SMC3: variants seen among roughly 807,000 people sequenced by gnomAD.
The protein encoded by SMC3 is structural maintenance of chromosomes 3, also known as structural maintenance of chromosomes protein 3.
In SMC3, 20 loss-of-function variants were observed where a neutral mutation model predicts 171.8. The observed-to-expected ratio is 0.12, with a 90% CI of 0.08 to 0.17. The LOEUF (loss-of-function observed/expected upper bound fraction) is 0.17. SMC3 is among the 10% of genes least tolerant of loss of function. SMC3 has a pLI of 1.00. For missense variants in SMC3, 543 were observed against 1,420.4 expected (o/e 0.38, Z 9.93); for synonymous variants, 464 against 451.1 (o/e 1.03, Z -0.36).
Position 110,567,755 on chromosome 10 carries a change from C to A in SMC3, c.-62C>A. The A allele has an allele frequency of 1.2e-6, 2 of 1,606,610 alleles. No homozygotes were observed. The highest frequency in any genetic ancestry group is 1.7e-6 in the Non-Finnish European group (2 of 1,174,054). On this transcript the variant is annotated 5_prime_UTR_variant, in exon 1 of 29. Transcript: ENST00000361804. ...GGGGTCGCGTAGGCGCCTCACCTGACCCTGCGGCCGTGCGGTTGCTGCTCC... is the reference window on the plus strand; with the variant it reads ...GGGGTCGCGTAGGCGCCTCACCTGAACCTGCGGCCGTGCGGTTGCTGCTCC...
At position 110,603,306 on chromosome 10, in the gene SMC3, ATTGAGT is replaced by A. The variant is rs758854216; in HGVS notation, c.3582+19_3582+24del. ...CAGAAATAAGGTAATTTTATTTTAC[ATTGAGT>A]TTAAGTTTGTATTTATTCAATTATA... is the stretch of plus-strand genomic sequence containing the variant. On this transcript the variant is annotated intron_variant, in intron 28 of 28. Coordinates refer to ENST00000361804, the MANE Select transcript of SMC3 (RefSeq NM_005445.4). 17 of 1,420,820 alleles carry A rather than the reference ATTGAGT, an allele frequency of 1.2e-5. No individual in the cohort carries two copies. Among genetic ancestry groups the A allele is most frequent in the East Asian group, 9.1e-5 (4 of 43,828 alleles). The allele number at this position is 1,420,820 out of a possible 1,614,324, so 88.0% of individuals were successfully genotyped here. A position where few individuals can be genotyped will look rare whatever the true frequency, so the allele number is the denominator to read the frequency against.
At chr10:110,601,927 A>G (rs1404456260) in intron 24 of SMC3, 39 bp from the exon 25 acceptor site, 2 of 1,610,876 alleles carry the variant, frequency 1.2e-6, no homozygotes, top group Non-Finnish European at 1.7e-6. Flanking sequence ...TGCTCAGTAT[A>G]TAAATTTATT....
At chr10:110,584,578 TCATG>T (rs1188087663) in intron 13 of SMC3, among the ~76,000 whole-genome samples, 182 bp downstream of exon 13, 4 of 152,230 alleles carry the variant, frequency 2.6e-5, no homozygotes, top group Non-Finnish European at 5.9e-5. Context: ...TAAAGAATAT[TCATG>T]TCATTGAGCC....
intron 2 of SMC3, among the ~76,000 whole-genome samples, chr10:110,569,242 C>T (rs1564786894): frequency 6.6e-6 from 1 of 151,426 alleles, no homozygotes; most frequent in East Asian, 1.9e-4. Flanking sequence ...ATCTAGGTAG[C>T]CTTGTATGTG....
chr10:110,589,939 A>G lies in SMC3; in HGVS notation c.1457A>G (p.Lys486Arg). 6.2e-7 allele frequency: 1 copy of G among 1,614,056 alleles called. No individual in the cohort carries two copies. Among genetic ancestry groups the G allele is most frequent in the Non-Finnish European group, 8.5e-7 (1 of 1,179,996 alleles). ...ENAEQQALAA[K>R]REDLEKKQQL... ...GCAGAACAGCAAGCACTTGCTGCTA[A>G]AAGAGAAGATCTTGAAAAGAAGCAA... Residue 486 changes from lysine (K) to arginine (R), a missense_variant, in exon 15 of 29, where the codon AAA becomes AGA. Coordinates refer to ENST00000361804, the MANE Select transcript of SMC3 (RefSeq NM_005445.4).
chr10:110,599,409 T>C lies in SMC3; in HGVS notation c.2269-245T>C, dbSNP rs112206019. Among the ~76,000 whole-genome samples, 6 of 152,306 alleles carry C rather than the reference T, an allele frequency of 3.9e-5. No individual in the cohort carries two copies. The South Asian group carries it at 6.2e-4, about 16-fold the overall frequency. On this transcript the variant is annotated intron_variant, in intron 20 of 28. Transcript: ENST00000361804. ...TGCGCCCGGCAACTTTTTGTTCTTA[T>C]AATATGCCTGAAGATTTTTGTATAG... is the stretch of plus-strand genomic sequence containing the variant.
intron 18 of SMC3, among the ~76,000 whole-genome samples, chr10:110,593,909 A>G (rs1590564234): frequency 1.3e-5 from 2 of 151,850 alleles, no homozygotes; most frequent in South Asian, 2.1e-4. Flanking sequence ...AATGGCTTAA[A>G]CCTGGGAGGC....
intron 21 of SMC3, 121 bp from the exon 22 acceptor site, chr10:110,600,318 A>G (rs1590569724): frequency 2.9e-6 from 2 of 696,360 alleles, no homozygotes; most frequent in Non-Finnish European, 5.2e-6. Flanking sequence ...TTTGAAGAAT[A>G]TAACATATTA....
intron 16 of SMC3, 105 bp downstream of exon 16, chr10:110,590,677 A>G (rs1448625945): frequency 1.0e-6 from 1 of 965,330 alleles, no homozygotes; most frequent in African/African-American, 1.6e-5. Flanking sequence ...ATCTTTTTAT[A>G]TCTCGGTTCC....
rs1369427972 is a variant in SMC3 at position 110,605,663 on chromosome 10, CAT to C, written c.*1363_*1364del. Among the ~76,000 whole-genome samples the C allele has an allele frequency of 2.0e-5, 3 of 152,122 alleles. No homozygotes were observed. The highest frequency in any genetic ancestry group is 1.9e-4 in the East Asian group (1 of 5,182). On this transcript the variant is annotated 3_prime_UTR_variant, in exon 29 of 29. Transcript: ENST00000361804. ...TTTATACTTTGTAGCTTTGCTATAACATAACTGATCTATAATAGAGAATTTGG... is the reference window on the plus strand; with the variant it reads ...TTTATACTTTGTAGCTTTGCTATAACAACTGATCTATAATAGAGAATTTGG...
intron 19 of SMC3, among the ~76,000 whole-genome samples, chr10:110,596,901 A>G (rs1477981641): frequency 1.3e-5 from 2 of 151,682 alleles, no homozygotes; most frequent in East Asian, 1.9e-4. Context: ...GAATTTATGT[A>G]AGCAAGAGAT....
rs745863058 is a variant in SMC3, at chr10:110,601,053, G to A, written c.2567G>A (p.Gly856Asp). Residue 856 changes from glycine (G) to aspartate (D), a missense_variant, in exon 23 of 29, where the codon GGT becomes GAT. By Grantham distance (94) the Gly-to-Asp change is moderately conservative. This residue lies in a region of SMC3 where 33 missense variants were observed against 33.6 expected (regional missense o/e 0.98). Coordinates refer to ENST00000361804, the MANE Select transcript of SMC3 (RefSeq NM_005445.4). ...ELNELRETEG[G>D]TVLTATTSEL... ...AATGAGCTGAGAGAGACAGAAGGGG[G>A]TACTGTTCTCACAGCCACAACATCA... 1 of 1,613,200 alleles carries A rather than the reference G, an allele frequency of 6.2e-7. No individual in the cohort carries two copies. Among genetic ancestry groups the A allele is most frequent in the Admixed American group, 1.7e-5 (1 of 59,994 alleles).
rs968116233 is a variant in SMC3, at chr10:110,601,794, G to A, written c.2802G>A (p.Lys934=). The A allele has an allele frequency of 6.2e-7, 1 of 1,613,914 alleles. No homozygotes were observed. The highest frequency in any genetic ancestry group is 1.7e-5 in the Admixed American group (1 of 60,012). The part of the protein sequence containing the change: ...KMTNRQGMLL[K]KKEECMKKIR... Reference sequence around the variant, plus strand: ...CAAATCGGCAAGGCATGCTATTGAAGAAGAAAGAAGAGTGTATGAAGAAAA... The same window carrying A: ...CAAATCGGCAAGGCATGCTATTGAAAAAGAAAGAAGAGTGTATGAAGAAAA... Residue 934 remains lysine (K), a synonymous_variant, in exon 24 of 29, where the codon AAG becomes AAA. Coordinates refer to ENST00000361804, the MANE Select transcript of SMC3 (RefSeq NM_005445.4).
Position 110,601,865 on chromosome 10 carries a change from A to G in SMC3, c.2873A>G (p.Gln958Arg), listed in dbSNP as rs769886209. ...CCCCAGGAAGCATTTGAAAAGTACCAGACACTGAGCCTCAAACAGGTTGGT... is the reference window on the plus strand; with the variant it reads ...CCCCAGGAAGCATTTGAAAAGTACCGGACACTGAGCCTCAAACAGGTTGGT... ...SLPQEAFEKY[Q>R]TLSLKQLFRK... Residue 958 changes from glutamine (Q) to arginine (R), a missense_variant, in exon 24 of 29, where the codon CAG becomes CGG. Gln to Arg is a conservative substitution (Grantham distance 43). Coordinates refer to ENST00000361804, the MANE Select transcript of SMC3 (RefSeq NM_005445.4). 2 of 1,614,028 alleles carry G rather than the reference A, an allele frequency of 1.2e-6. No individual in the cohort carries two copies. The highest frequency in any genetic ancestry group is 1.7e-6 in the Non-Finnish European group (2 of 1,179,948).
chr10:110,587,686 AAAG>A (rs1447485180), intron 13 of SMC3, among the ~76,000 whole-genome samples: 2 of 137,826 alleles, frequency 1.5e-5, no homozygotes, highest in Non-Finnish European at 3.1e-5. Flanking sequence ...ACTCCGTCTC[AAAG>A]AAAAAAAAAA....
Position 110,605,101 on chromosome 10 carries a change from C to T in SMC3, c.*799C>T, listed in dbSNP as rs1166167849. 4.6e-5 allele frequency among the ~76,000 whole-genome samples: 7 copies of T among 152,188 alleles called. No individual in the cohort carries two copies. The East Asian group carries it at 1.3e-3, about 29-fold the overall frequency. ...CATGGTTAGATTGGAGCTAATACCA[C>T]AGAAGCGAAGTATTCTCATTACCTC... On this transcript the variant is annotated 3_prime_UTR_variant, in exon 29 of 29. Coordinates refer to ENST00000361804, the MANE Select transcript of SMC3 (RefSeq NM_005445.4).
At position 110,605,737 on chromosome 10, in the gene SMC3, T is replaced by C. The variant is rs1487851752; in HGVS notation, c.*1435T>C. Among the ~76,000 whole-genome samples, 1 of 152,208 alleles carries C rather than the reference T, an allele frequency of 6.6e-6. No individual in the cohort carries two copies. Among genetic ancestry groups the C allele is most frequent in the African/African-American group, 2.4e-5 (1 of 41,462 alleles). ...CATTCAAAGGGTTACGTAACTATAA[T>C]ATCTTTCTAATATTTCTACCATTTT... On this transcript the variant is annotated 3_prime_UTR_variant, in exon 29 of 29. Coordinates refer to ENST00000361804, the MANE Select transcript of SMC3 (RefSeq NM_005445.4).
chr10:110,598,628 A>T (rs1476023818), intron 20 of SMC3, among the ~76,000 whole-genome samples: 1 of 151,716 alleles, frequency 6.6e-6, no homozygotes, highest in Non-Finnish European at 1.5e-5. Flanking sequence ...CTTGTCTCAA[A>T]CTCCTGACCT....
At chr10:110,568,915 C>T in intron 1 of SMC3, 23 bp from the exon 2 acceptor site, 1 of 1,468,926 alleles carries the variant, frequency 6.8e-7, no homozygotes, top group Non-Finnish European at 9.5e-7. Flanking sequence ...GGTGGGTTCT[C>T]AAAAATGTTT....
Sources: allele counts gnomAD v4.1 joint callset (sites outside exome capture counted in the v4.1 genomes callset), GRCh38; gene constraint gnomAD v4.1.1; regional missense constraint gnomAD v4.1.1; transcripts MANE v1.5; gene names NCBI Gene and HGNC (gene_info 2026-07-23, HGNC 2026-07-21).